Variants in PCDH15 observed in about 807,000 individuals in gnomAD.
PCDH15 encodes protocadherin related 15, also known as protocadherin-15.
PCDH15 carries 129 observed loss-of-function variants against 178.5 expected under a neutral mutation model. The ratio of observed to expected loss-of-function variants is 0.72; its 90% CI spans 0.63 to 0.84. The LOEUF (loss-of-function observed/expected upper bound fraction) is 0.84. Among genes scored for constraint, PCDH15 ranks in the 40% least tolerant of loss-of-function variants. The pLI is 0.00. For synonymous variants in PCDH15, 800 were observed against 732.0 expected (o/e 1.09, Z -1.50); for missense variants, 2,230 against 2,099.9 (o/e 1.06, Z -1.21).
At chr10:54,312,477 G>GGGTAGAAATTTGTT (rs1239931611) in intron 8 of PCDH15, among the ~76,000 whole-genome samples, 6 of 152,182 alleles carry the variant, frequency 3.9e-5, no homozygotes, top group African/African-American at 1.4e-4. Context: ...CCTTGAAACT[G>GGGTAGAAATTTGTT]GCAGAGATTT....
chr10:54,051,747 T>A (rs766951187), intron 18 of PCDH15, among the ~76,000 whole-genome samples: 2 of 152,100 alleles, frequency 1.3e-5, no homozygotes, highest in African/African-American at 2.4e-5. Flanking sequence ...CACCAAGACA[T>A]TGGGGAAAAT....
rs147450863 is a variant in PCDH15, at chr10:54,779,488, G to GTGTGTATATATA, written c.-29+21436_-29+21437insTATATATACACA. ...TGTATATATATACACACATATATAT[G>GTGTGTATATATA]TATATATATACACACATATATGTGT... On this transcript the variant is annotated intron_variant, in intron 1 of 37. Transcript: ENST00000644397. Among the ~76,000 whole-genome samples the GTGTGTATATATA allele has an allele frequency of 9.8e-3, 525 of 53,302 alleles. 9 individuals are homozygous for GTGTGTATATATA. Among genetic ancestry groups the GTGTGTATATATA allele is most frequent in the Middle Eastern group, 0.015 (1 of 66 alleles). The allele number at this position is 53,302 out of a possible 152,430, so 35.0% of individuals were successfully genotyped here.
chr10:54,184,916 T>A (rs1185297477), intron 12 of PCDH15, among the ~76,000 whole-genome samples: 1 of 152,064 alleles, frequency 6.6e-6, no homozygotes, highest in Non-Finnish European at 1.5e-5. Context: ...TTTTTTCTTC[T>A]GTGAGGAAGA....
At chr10:54,623,152 G>A (rs183466151) in intron 2 of PCDH15, among the ~76,000 whole-genome samples, 7 of 151,860 alleles carry the variant, frequency 4.6e-5, no homozygotes, top group African/African-American at 9.7e-5. Flanking sequence ...CCACCATTGC[G>A]CTGACTTCTT....
At chr10:54,149,425 T>C (rs1210329747) in intron 14 of PCDH15, among the ~76,000 whole-genome samples, 1 of 151,966 alleles carries the variant, frequency 6.6e-6, no homozygotes, top group Non-Finnish European at 1.5e-5. Context: ...CATTGAGAAA[T>C]CTGAGAAAAG....
intron 2 of PCDH15, among the ~76,000 whole-genome samples, chr10:54,593,731 A>G (rs2133968242): frequency 6.6e-6 from 1 of 152,260 alleles, no homozygotes; most frequent in East Asian, 1.9e-4. Context: ...GAATTTTGAC[A>G]GGGATTGCAT....
In PCDH15 at chr10:54,659,789, C is replaced by G. The variant is rs577718288; in HGVS notation, c.91+4383G>C. 8.0e-5 allele frequency among the ~76,000 whole-genome samples: 12 copies of G among 150,132 alleles called. No homozygotes were observed. The South Asian group carries it at 2.5e-3, about 32-fold the overall frequency. ...AAAAATACATATCAGGAGAAACTCT[C>G]AAAACCACACAAGTACATGGAATCT... On this transcript the variant is annotated intron_variant, in intron 2 of 37. Coordinates refer to ENST00000644397, the MANE Select transcript of PCDH15 (RefSeq NM_001384140.1).
intron 2 of PCDH15, chr10:54,607,902 G>A (rs1485986292): frequency 1.9e-6 from 1 of 526,448 alleles, no homozygotes; most frequent in Admixed American, 2.0e-5. Flanking sequence ...AGTAATTACA[G>A]TTTTTGTCTT....
At chr10:55,569,811 G>A (rs978205512) in intron 2 of PCDH15, among the ~76,000 whole-genome samples, 13 of 151,980 alleles carry the variant, frequency 8.6e-5, no homozygotes, top group African/African-American at 2.6e-4. Flanking sequence ...GTGTGAACAT[G>A]GTTCTATTTC....
intron 8 of PCDH15, among the ~76,000 whole-genome samples, chr10:54,248,077 T>C (rs1031023513): frequency 6.6e-6 from 1 of 151,444 alleles, no homozygotes; most frequent in Non-Finnish European, 1.5e-5. Flanking sequence ...CTCCAAGTTA[T>C]AAGCTAGGGA....
intron 5 of PCDH15, among the ~76,000 whole-genome samples, chr10:54,368,484 C>A (rs991901589): frequency 6.6e-6 from 1 of 151,514 alleles, no homozygotes; most frequent in Non-Finnish European, 1.5e-5. Flanking sequence ...AATACAGTAA[C>A]CACGGTTTAA....
At chr10:55,404,789 A>G (rs894535147) in intron 2 of PCDH15, among the ~76,000 whole-genome samples, 2 of 151,820 alleles carry the variant, frequency 1.3e-5, no homozygotes, top group African/African-American at 4.8e-5. Context: ...AATAATATCT[A>G]TAATAAAAAA....
At chr10:54,189,975 C>G (rs1338647928) in intron 11 of PCDH15, among the ~76,000 whole-genome samples, 1 of 143,294 alleles carries the variant, frequency 7.0e-6, no homozygotes, top group African/African-American at 2.6e-5. Flanking sequence ...GGGTATATGT[C>G]TACATCTATA....
intron 2 of PCDH15, among the ~76,000 whole-genome samples, chr10:55,339,232 T>C (rs1844483896): frequency 6.6e-6 from 1 of 152,220 alleles, no homozygotes; most frequent in South Asian, 2.1e-4. Flanking sequence ...TGTATGCCTG[T>C]ATTAAAACAT....
chr10:55,028,383 C>G (rs1241637688), intron 2 of PCDH15, among the ~76,000 whole-genome samples: 1 of 151,826 alleles, frequency 6.6e-6, no homozygotes, highest in Admixed American at 6.6e-5. Flanking sequence ...ACCGTCTGAG[C>G]TCAACGACAC....
At chr10:55,084,773 T>C (rs767270265) in intron 2 of PCDH15, among the ~76,000 whole-genome samples, 3 of 151,998 alleles carry the variant, frequency 2.0e-5, no homozygotes, top group Admixed American at 6.6e-5. Context: ...AAGATCTGAA[T>C]AGATATTTCT....
chr10:53,897,912 T>G (rs536886863), intron 26 of PCDH15, among the ~76,000 whole-genome samples: 1 of 151,886 alleles, frequency 6.6e-6, no homozygotes, highest in Non-Finnish European at 1.5e-5. Flanking sequence ...TATCACATTT[T>G]GTTTATTCAT....
intron 2 of PCDH15, among the ~76,000 whole-genome samples, chr10:54,608,992 T>C (rs985290513): frequency 2.6e-5 from 4 of 152,084 alleles, no homozygotes; most frequent in African/African-American, 9.7e-5. Flanking sequence ...AGAAGCAACA[T>C]GAATGATAAT....
chr10:54,421,692 A>ATATATATATG (rs1955378383), intron 3 of PCDH15, among the ~76,000 whole-genome samples: 3 of 113,662 alleles, frequency 2.6e-5, no homozygotes, highest in Non-Finnish European at 4.9e-5. Context: ...ATATATATAT[A>ATATATATATG]TACACACACA....
Sources: allele counts gnomAD v4.1 joint callset (sites outside exome capture counted in the v4.1 genomes callset), GRCh38; gene constraint gnomAD v4.1.1; transcripts MANE v1.5; gene names NCBI Gene and HGNC (gene_info 2026-07-23, HGNC 2026-07-21).